Variants in TMEM132D observed in about 807,000 individuals in gnomAD.
TMEM132D encodes the protein mature OL transmembrane protein.
TMEM132D carries 21 observed loss-of-function variants against 62.3 expected under a neutral mutation model. The ratio of observed to expected loss-of-function variants is 0.34; its 90% CI spans 0.24 to 0.49. TMEM132D has a LOEUF of 0.49. Ranked by LOEUF, TMEM132D falls within the 20% of genes least tolerant of loss-of-function variation. The pLI, the probability that TMEM132D is intolerant of heterozygous loss-of-function variation, is 0.99. For missense variants in TMEM132D, 1,346 were observed against 1,402.8 expected (o/e 0.96, Z 0.65); for synonymous variants, 621 against 575.6 (o/e 1.08, Z -1.13).
At chr12:129,572,524 C>G (rs574070786) in intron 2 of TMEM132D, among the ~76,000 whole-genome samples, 95 of 152,330 alleles carry the variant, frequency 6.2e-4, no homozygotes, top group African/African-American at 2.2e-3. Flanking sequence ...TCTTGGCTCA[C>G]TGCAACCTCC....
chr12:129,600,582 G>A (rs181669503), intron 2 of TMEM132D, among the ~76,000 whole-genome samples: 1 of 152,308 alleles, frequency 6.6e-6, no homozygotes, highest in East Asian at 1.9e-4. Flanking sequence ...TCAAAGGTAT[G>A]ACTTGAAAGC....
At chr12:129,902,243 T>TG (rs1170834848) in intron 1 of TMEM132D, among the ~76,000 whole-genome samples, 1 of 152,224 alleles carries the variant, frequency 6.6e-6, no homozygotes, top group Non-Finnish European at 1.5e-5. Context: ...GCGTGATAAT[T>TG]GGCTTTGAAG....
intron 8 of TMEM132D, among the ~76,000 whole-genome samples, chr12:129,078,163 G>C (rs1000619065): frequency 2.6e-5 from 4 of 152,224 alleles, no homozygotes; most frequent in African/African-American, 7.2e-5. Flanking sequence ...GAGCCTGCAC[G>C]TGCCCTCATG....
chr12:129,884,566 C>T (rs925015754), intron 1 of TMEM132D, among the ~76,000 whole-genome samples: 3 of 152,156 alleles, frequency 2.0e-5, no homozygotes, highest in Non-Finnish European at 4.4e-5. Flanking sequence ...CAATGAAGTA[C>T]CACTACACAT....
At chr12:129,413,704 G>C (rs575683102) in intron 3 of TMEM132D, among the ~76,000 whole-genome samples, 2 of 152,216 alleles carry the variant, frequency 1.3e-5, no homozygotes, top group East Asian at 3.9e-4. Context: ...TGTGTGCCAG[G>C]TACTTTGCAA....
Position 129,385,336 on chromosome 12 carries a change from C to T in TMEM132D, c.1116-47519G>A, listed in dbSNP as rs374219275. ...GGCCAAGCTGGTCTCAAACTCCTGACCCCAGGTGATCCGCCCACCTCGGCC... is the reference window on the plus strand; with the variant it reads ...GGCCAAGCTGGTCTCAAACTCCTGATCCCAGGTGATCCGCCCACCTCGGCC... On this transcript the variant is annotated intron_variant, in intron 3 of 8. Transcript: ENST00000422113. 3.4e-3 allele frequency among the ~76,000 whole-genome samples: 523 copies of T among 152,038 alleles called. 4 individuals carry two copies. The highest frequency in any genetic ancestry group is 0.012 in the African/African-American group (507 of 41,492).
chr12:129,614,890 T>G (rs973802402), intron 2 of TMEM132D, among the ~76,000 whole-genome samples: 7 of 152,202 alleles, frequency 4.6e-5, no homozygotes, highest in Admixed American at 4.6e-4. Context: ...CAGGGCAAAC[T>G]AAATACCTCT....
chr12:129,211,555 T>C (rs1450208558), intron 4 of TMEM132D, among the ~76,000 whole-genome samples: 1 of 152,232 alleles, frequency 6.6e-6, no homozygotes, highest in South Asian at 2.1e-4. Context: ...ATTTTCATTA[T>C]GTTAACTATT....
chr12:129,276,032 GGTTT>G (rs72253809), intron 4 of TMEM132D, among the ~76,000 whole-genome samples: 40,977 of 151,122 alleles, frequency 0.27, 5,610 homozygotes, highest in Middle Eastern at 0.31. Flanking sequence ...TGGATGCACA[GGTTT>G]GTTTGTTTGT....
intron 3 of TMEM132D, among the ~76,000 whole-genome samples, chr12:129,527,701 TTAACA>T (rs1224437672): frequency 3.9e-5 from 6 of 152,198 alleles, no homozygotes; most frequent in African/African-American, 1.4e-4. Context: ...TTTATCTAAG[TTAACA>T]TAGGAGTATA....
chr12:129,885,216 A>G (rs931822346), intron 1 of TMEM132D, among the ~76,000 whole-genome samples: 1 of 152,206 alleles, frequency 6.6e-6, no homozygotes, highest in Non-Finnish European at 1.5e-5. Context: ...GACCATATGT[A>G]TTTCTCAAAA....
chr12:129,445,790 T>A (rs1873078918), intron 3 of TMEM132D, among the ~76,000 whole-genome samples: 1 of 152,132 alleles, frequency 6.6e-6, no homozygotes, highest in Non-Finnish European at 1.5e-5. Flanking sequence ...TATTCTTACT[T>A]GTTGCAGGTC....
chr12:129,409,882 G>A (rs574964088), intron 3 of TMEM132D, among the ~76,000 whole-genome samples: 4 of 152,302 alleles, frequency 2.6e-5, no homozygotes, highest in South Asian at 4.1e-4. Flanking sequence ...GTCTGCACAC[G>A]TGCAGACATA....
At chr12:129,395,613 GA>G in intron 3 of TMEM132D, among the ~76,000 whole-genome samples, 1 of 151,470 alleles carries the variant, frequency 6.6e-6, no homozygotes. Context: ...GATTGCAAAT[GA>G]ATATATATAT....
chr12:129,419,538 G>T (rs1043317514), intron 3 of TMEM132D, among the ~76,000 whole-genome samples: 1 of 151,818 alleles, frequency 6.6e-6, no homozygotes, highest in African/African-American at 2.4e-5. Flanking sequence ...GAGAGAGACT[G>T]TTCCTGATAA....
chr12:129,529,928 C>T (rs1876166373), intron 3 of TMEM132D, among the ~76,000 whole-genome samples: 1 of 152,232 alleles, frequency 6.6e-6, no homozygotes, highest in Non-Finnish European at 1.5e-5. Context: ...ACCAGTATGG[C>T]ACACTATCAC....
intron 4 of TMEM132D, among the ~76,000 whole-genome samples, chr12:129,233,516 G>C (rs894485615): frequency 1.3e-5 from 2 of 152,192 alleles, no homozygotes; most frequent in Admixed American, 1.3e-4. Flanking sequence ...TCCCTCGTAT[G>C]TTGGAGGAAG....
intron 5 of TMEM132D, among the ~76,000 whole-genome samples, chr12:129,121,365 G>A (rs1194317855): frequency 6.6e-6 from 1 of 152,148 alleles, no homozygotes; most frequent in Non-Finnish European, 1.5e-5. Flanking sequence ...CCAAAGTGCT[G>A]GGATTACAGG....
At chr12:129,311,747 G>A (rs1012052612) in intron 4 of TMEM132D, among the ~76,000 whole-genome samples, 2 of 152,150 alleles carry the variant, frequency 1.3e-5, no homozygotes, top group Non-Finnish European at 2.9e-5. Flanking sequence ...CTGGCTGTGA[G>A]GCATGCTGGT....
Sources: gnomAD v4.1 joint callset for allele counts (sites outside exome capture counted in the v4.1 genomes callset) on GRCh38, gnomAD v4.1.1 for gene constraint, MANE v1.5 for transcripts, NCBI Gene and HGNC (gene_info 2026-07-23, HGNC 2026-07-21) for gene names.